Variants in TMPRSS9 observed in about 807,000 individuals in gnomAD.
TMPRSS9 encodes transmembrane serine protease 9, also known as transmembrane protease serine 9.
A neutral mutation model predicts 111.4 loss-of-function variants in TMPRSS9; 113 were observed. That is an observed-to-expected ratio of 1.01 (90% CI 0.87 to 1.19). TMPRSS9 has a LOEUF of 1.19. Ranked by LOEUF, TMPRSS9 falls within the 50% of genes most tolerant of loss-of-function variation. The probability of loss-of-function intolerance (pLI) is 0.00; values close to 1 mark genes in which losing one functional copy is unlikely to be tolerated. For missense variants in TMPRSS9, 1,803 were observed against 1,513.1 expected (o/e 1.19, Z -3.18); for synonymous variants, 805 against 659.1 (o/e 1.22, Z -3.39).
chr19:2,409,908 A>G (rs1431010593), intron 8 of TMPRSS9, among the ~76,000 whole-genome samples: 3 of 151,826 alleles, frequency 2.0e-5, no homozygotes, highest in Admixed American at 6.6e-5. Context: ...TTCTGTGTAT[A>G]TTTGGGGGCT....
intron 10 of TMPRSS9, among the ~76,000 whole-genome samples, chr19:2,415,323 G>A (rs1048085397): frequency 6.6e-6 from 1 of 152,140 alleles, no homozygotes; most frequent in South Asian, 2.1e-4. Context: ...TTTCTCAGCC[G>A]CCCCATGGGT....
rs59218931 is a variant in TMPRSS9 at position 2,400,541 on chromosome 19, C to CAA, written c.514+1356_514+1357dup. Among the ~76,000 whole-genome samples the CAA allele has an allele frequency of 1.0e-4, 15 of 149,846 alleles. No homozygotes were observed. In the East Asian group the frequency reaches 1.2e-3, roughly 12 times the overall value. ...TGGGTGACAGAGTGAGACTCCATCT[C>CAA]AAAAAAAAATTAATAAAAATAAAAA... On this transcript the variant is annotated intron_variant, in intron 4 of 17. Transcript: ENST00000648592.
At chr19:2,363,960 G>A (rs1970227617) in intron 1 of TMPRSS9, among the ~76,000 whole-genome samples, 1 of 151,882 alleles carries the variant, frequency 6.6e-6, no homozygotes, top group African/African-American at 2.4e-5. Context: ...TATTGGGAGG[G>A]CTGGATCAAC....
intron 4 of TMPRSS9, among the ~76,000 whole-genome samples, chr19:2,401,005 T>C (rs943257489): frequency 2.0e-5 from 3 of 147,114 alleles, no homozygotes; most frequent in Non-Finnish European, 4.5e-5. Flanking sequence ...CCGGGCGCGG[T>C]GGCTTACGCC....
chr19:2,377,891 T>A (rs1224618474), intron 1 of TMPRSS9, among the ~76,000 whole-genome samples: 1 of 149,564 alleles, frequency 6.7e-6, no homozygotes, highest in African/African-American at 2.5e-5. Flanking sequence ...TTTTACAATT[T>A]TTTTGCAGAG....
exon 4 of TMPRSS9, chr19:2,399,065 T>C: frequency 3.1e-6 from 5 of 1,613,528 alleles, no homozygotes; most frequent in South Asian, 1.1e-5. Flanking sequence ...CACTTTCTGC[T>C]GCGACCCCTC....
At chr19:2,401,933 C>T (rs746910620) in intron 4 of TMPRSS9, 42 bp from the exon 6 acceptor site, 1 of 1,567,690 alleles carries the variant, frequency 6.4e-7, no homozygotes, top group South Asian at 1.1e-5. Context: ...AAGGGTTTTA[C>T]CGCTTATTCA....
At chr19:2,368,307 T>G (rs538165714) in intron 1 of TMPRSS9, among the ~76,000 whole-genome samples, 1 of 151,196 alleles carries the variant, frequency 6.6e-6, no homozygotes, top group African/African-American at 2.4e-5. Context: ...TGGGTGCAGT[T>G]TGCAAAATTT....
At position 2,414,008 on chromosome 19, in the gene TMPRSS9, TAAGC is replaced by T; in HGVS notation, c.1564_1567del (p.Lys522TyrfsTer33). On this transcript the variant is annotated frameshift_variant, in exon 10 of 18. Transcript: ENST00000648592. LOFTEE classifies it high-confidence loss of function. ...TGCCTCTTGACTGGGTCACCGTTCC[TAAGC>T]TACAAGGTATTTTCGGGGCAGAAAG... 6.3e-7 allele frequency: 1 copy of T among 1,588,360 alleles called. No homozygotes were observed. The highest frequency in any genetic ancestry group is 8.6e-7 in the Non-Finnish European group (1 of 1,165,228).
chr19:2,405,198 G>T (rs540223661), intron 6 of TMPRSS9, among the ~76,000 whole-genome samples, 176 bp from the exon 8 acceptor site: 1 of 152,078 alleles, frequency 6.6e-6, no homozygotes. Flanking sequence ...CAGCCGAGGA[G>T]TTGAAGAGGA....
chr19:2,417,920 T>A (rs1971287900), intron 12 of TMPRSS9, 82 bp from the exon 14 acceptor site: 3 of 1,562,424 alleles, frequency 1.9e-6, no homozygotes, highest in Admixed American at 3.4e-5. Flanking sequence ...GGATGCTGCA[T>A]CTCGGGGCTG....
intron 1 of TMPRSS9, among the ~76,000 whole-genome samples, chr19:2,393,658 G>C (rs1221124017): frequency 1.3e-5 from 2 of 152,106 alleles, no homozygotes; most frequent in East Asian, 1.9e-4. Flanking sequence ...CCAGCACTTT[G>C]GGAGGCTGAG....
chr19:2,380,143 G>C (rs1329813747), intron 1 of TMPRSS9, among the ~76,000 whole-genome samples: 2 of 152,026 alleles, frequency 1.3e-5, no homozygotes, highest in Non-Finnish European at 2.9e-5. Context: ...TATGCTCTCA[G>C]CTCCCACTTA....
At chr19:2,425,472 G>C in exon 17 of TMPRSS9, 2 of 1,590,326 alleles carry the variant, frequency 1.3e-6, no homozygotes. Context: ...GCTTCCCGCA[G>C]GGTGGCGTGG....
chr19:2,408,637 A>C lies in TMPRSS9; in HGVS notation c.1117+7A>C. On this transcript the variant is annotated splice_region_variant and intron_variant, in intron 8 of 17. Transcript: ENST00000648592. ...TACCTCAAGGAGGACTTCCGTAAGC[A>C]TCTTCCTCGGCCTGCAAGTGAGCTC... 6.2e-7 allele frequency: 1 copy of C among 1,606,498 alleles called. No homozygotes were observed. The highest frequency in any genetic ancestry group is 8.5e-7 in the Non-Finnish European group (1 of 1,174,950).
At chr19:2,380,125 T>C (rs1275748457) in intron 1 of TMPRSS9, among the ~76,000 whole-genome samples, 1 of 152,000 alleles carries the variant, frequency 6.6e-6, no homozygotes, top group Admixed American at 6.6e-5. Context: ...TGGTGTTGTA[T>C]GACTGTTTAT....
chr19:2,403,280 T>G, intron 6 of TMPRSS9, 85 bp downstream of exon 7: 1 of 1,146,774 alleles, frequency 8.7e-7, no homozygotes, highest in Non-Finnish European at 1.3e-6. Flanking sequence ...TCACTGTGCT[T>G]ATTTCACTGG....
chr19:2,389,676 G>A (rs369891701), upstream of TMPRSS9: 9 of 1,371,158 alleles, frequency 6.6e-6, no homozygotes, highest in African/African-American at 7.3e-5. Context: ...CCGTTTTTAA[G>A]GGTATAGTTG....
At chr19:2,361,986 GTGTGATTGTGTGTGATCA>G (rs1385631047) in intron 1 of TMPRSS9, among the ~76,000 whole-genome samples, 2 of 152,160 alleles carry the variant, frequency 1.3e-5, no homozygotes, top group South Asian at 2.1e-4. Context: ...GTGTGGCTGT[GTGTGATTGTGTGTGATCA>G]TGTGATTGTG....
Sources: gnomAD v4.1 joint callset for allele counts (sites outside exome capture counted in the v4.1 genomes callset) on GRCh38, gnomAD v4.1.1 for gene constraint, MANE v1.5 for transcripts, NCBI Gene and HGNC (gene_info 2026-07-23, HGNC 2026-07-21) for gene names.